Variants in HOXC4 observed in about 807,000 individuals in gnomAD.
HOXC4 encodes the protein homeobox protein Hox-C4.
In HOXC4, 15 loss-of-function variants were observed where a neutral mutation model predicts 25.5. That is an observed-to-expected ratio of 0.59 (90% CI 0.39 to 0.91). HOXC4 has a LOEUF of 0.91. Ranked by LOEUF, HOXC4 falls within the 40% of genes least tolerant of loss-of-function variation. The pLI, the probability that HOXC4 is intolerant of heterozygous loss-of-function variation, is 0.00. For synonymous variants in HOXC4, 165 were observed against 148.0 expected, an observed-to-expected ratio of 1.11 and a Z score of -0.83; for missense variants, 342 against 352.4, an observed-to-expected ratio of 0.97 and a Z score of 0.24.
chr12:54,054,947 C>T lies in HOXC4; in HGVS notation c.537C>T (p.Arg179=), dbSNP rs775271849. 1 of 1,614,126 alleles carries T rather than the reference C, an allele frequency of 6.2e-7. No homozygotes were observed. Among genetic ancestry groups the T allele is most frequent in the Non-Finnish European group, 8.5e-7 (1 of 1,180,022 alleles). ...TAGAGAAAGAGTTTCATTACAACCG[C>T]TACCTGACCCGAAGGAGAAGGATCG... is the stretch of plus-strand genomic sequence containing the variant. The part of the protein sequence containing the change: ...LELEKEFHYN[R]YLTRRRRIEI... Residue 179 remains arginine, a synonymous_variant, in exon 2 of 2, where the codon CGC becomes CGT. Transcript: ENST00000430889.
chr12:54,038,425 A>G (rs545943441), intron 1 of HOXC4, among the ~76,000 whole-genome samples: 1 of 152,322 alleles, frequency 6.6e-6, no homozygotes, highest in East Asian at 1.9e-4. Flanking sequence ...GGGAGGGGTG[A>G]GTTCAGCCCT....
chr12:54,023,469 C>A (rs746787719), intron 1 of HOXC4, among the ~76,000 whole-genome samples: 1 of 152,182 alleles, frequency 6.6e-6, no homozygotes, highest in African/African-American at 2.4e-5. Context: ...ATATACCTTT[C>A]TTCTCCGTTT....
In HOXC4 at chr12:54,034,305, G is replaced by C. The variant is rs748844243; in HGVS notation, c.-124+16891G>C. 1.7e-5 allele frequency: 27 copies of C among 1,614,084 alleles called. No individual in the cohort carries two copies. The highest frequency in any genetic ancestry group is 1.9e-5 in the Non-Finnish European group (23 of 1,180,026). On this transcript the variant is annotated intron_variant, in intron 1 of 3. Transcript: ENST00000303406. ...ACGGACGGCAAGCGGTCCCGAACCA[G>C]TTACACGCGCTACCAGACTCTGGAA... is the stretch of plus-strand genomic sequence containing the variant.
chr12:54,022,220 T>A (rs1940481231), intron 1 of HOXC4: 1 of 151,832 alleles, frequency 6.6e-6, no homozygotes, highest in Non-Finnish European at 1.5e-5. Context: ...GAGACACAGG[T>A]TGTTGGGTTT....
chr12:54,026,969 G>GT lies in HOXC4; in HGVS notation c.-124+9555_-124+9556insT, dbSNP rs551975494. The stretch of plus-strand genomic sequence containing the variant: ...CCCAACCCACCCAAAAATGGTGGGG[G>GT]GGGGGGGATATGAGCTTTCTCTGCT... On this transcript the variant is annotated intron_variant, in intron 1 of 3. Transcript: ENST00000303406. Among the ~76,000 whole-genome samples the GT allele has an allele frequency of 1.1e-4, 15 of 137,874 alleles. No individual in the cohort carries two copies. In the South Asian group the frequency reaches 3.1e-3, roughly 29 times the overall value. 90.5% of individuals were successfully genotyped at this position (137,874 alleles called of 152,430 possible).
intron 1 of HOXC4, among the ~76,000 whole-genome samples, chr12:54,022,894 T>C (rs555048536): frequency 6.6e-6 from 1 of 152,310 alleles, no homozygotes; most frequent in South Asian, 2.1e-4. Flanking sequence ...GCCAGGAGGC[T>C]GGGGATCCTT....
At chr12:54,044,507 T>C (rs980467193) in intron 1 of HOXC4, among the ~76,000 whole-genome samples, 1 of 151,940 alleles carries the variant, frequency 6.6e-6, no homozygotes, top group Non-Finnish European at 1.5e-5. Flanking sequence ...CTGGGGCTGA[T>C]CTCTCCCTGT....
chr12:54,033,747 C>A (rs1418034919), intron 1 of HOXC4, among the ~76,000 whole-genome samples: 2 of 152,130 alleles, frequency 1.3e-5, no homozygotes, highest in East Asian at 3.9e-4. Flanking sequence ...AAATTTACGA[C>A]GACATAATTG....
chr12:54,054,489 G>A (rs1937926629), intron 1 of HOXC4, 128 bp downstream of exon 1: 5 of 659,264 alleles, frequency 7.6e-6, no homozygotes, highest in Non-Finnish European at 1.3e-5. Flanking sequence ...AGCGACTCTG[G>A]GTTAGCACAA....
chr12:54,049,055 A>G (rs1244302023), upstream of HOXC4, among the ~76,000 whole-genome samples: 1 of 152,252 alleles, frequency 6.6e-6, no homozygotes, highest in East Asian at 1.9e-4. Flanking sequence ...TAAAAAGGAT[A>G]TCATCCAGCA....
chr12:54,044,002 T>C (rs776018705), intron 1 of HOXC4, among the ~76,000 whole-genome samples: 3 of 150,352 alleles, frequency 2.0e-5, no homozygotes, highest in Non-Finnish European at 4.4e-5. Flanking sequence ...TTTCATTTTA[T>C]GTTGTGTCTC....
intron 1 of HOXC4, among the ~76,000 whole-genome samples, chr12:54,045,149 C>T (rs1360513603): frequency 6.6e-6 from 1 of 152,274 alleles, no homozygotes; most frequent in Non-Finnish European, 1.5e-5. Flanking sequence ...AGAGATTCCT[C>T]TTCATTCCTA....
chr12:54,034,716 A>T, intron 1 of HOXC4: 2 of 544,268 alleles, frequency 3.7e-6, no homozygotes, highest in African/African-American at 1.9e-5. Flanking sequence ...AGCTCGGCTC[A>T]GCTCGGTACC....
chr12:54,028,966 G>A, intron 1 of HOXC4: 1 of 1,537,088 alleles, frequency 6.5e-7, no homozygotes, highest in South Asian at 1.2e-5. Context: ...AACTGAACTG[G>A]CTTTATGACC....
chr12:54,054,062 A>G lies in HOXC4; in HGVS notation c.140A>G (p.His47Arg). Residue 47 changes from histidine (H) to arginine (R), a missense_variant, in exon 1 of 2, where the codon CAT becomes CGT. By Grantham distance (29) the His-to-Arg change is conservative (BLOSUM62 0). Coordinates refer to ENST00000430889, the MANE Select transcript of HOXC4 (RefSeq NM_153633.3). ...CGGACCAGGGAATCGGGATTCCAGC[A>G]TCACCACCAGGAGCTGTACCCACCA... The part of the protein sequence containing the change: ...YGRTRESGFQ[H>R]HHQELYPPPP... 1.2e-6 allele frequency: 2 copies of G among 1,614,132 alleles called. No individual in the cohort carries two copies. The highest frequency in any genetic ancestry group is 1.1e-5 in the South Asian group (1 of 91,074).
At chr12:54,034,137 G>T (rs1325240063) in intron 1 of HOXC4, 5 of 833,802 alleles carry the variant, frequency 6.0e-6, no homozygotes, top group South Asian at 4.2e-5. Flanking sequence ...GGGCTGGCCC[G>T]CCTGCGGCCC....
chr12:54,049,986 A>G (rs1432449635), upstream of HOXC4, among the ~76,000 whole-genome samples: 3 of 152,246 alleles, frequency 2.0e-5, no homozygotes, highest in African/African-American at 7.2e-5. Flanking sequence ...ATTCACACAC[A>G]TAAACCCTGC....
intron 1 of HOXC4, among the ~76,000 whole-genome samples, chr12:54,044,725 T>TTGTG (rs58933808): frequency 2.1e-3 from 305 of 146,804 alleles, no homozygotes; most frequent in Middle Eastern, 0.014. Context: ...GTGTGTGTGT[T>TTGTG]TGTGTGTGTG....
At chr12:54,043,925 T>TGTGC (rs1214492477) in intron 1 of HOXC4, among the ~76,000 whole-genome samples, 3 of 79,500 alleles carry the variant, frequency 3.8e-5, no homozygotes, top group Non-Finnish European at 8.4e-5. Flanking sequence ...AGGCTGTGTG[T>TGTGC]GTGTGTGTGT....
Sources: gnomAD v4.1 joint callset for allele counts (sites outside exome capture counted in the v4.1 genomes callset) on GRCh38, gnomAD v4.1.1 for gene constraint, MANE v1.5 for transcripts, NCBI Gene and HGNC (gene_info 2026-07-23, HGNC 2026-07-21) for gene names.